Variants in CTIF observed in about 807,000 individuals in gnomAD.
CTIF encodes cap binding complex dependent translation initiation factor.
Under a neutral mutation model 66.0 loss-of-function variants are expected in CTIF, and 21 were observed. The ratio of observed to expected loss-of-function variants is 0.32; its 90% CI spans 0.23 to 0.46. The LOEUF is 0.46. CTIF is among the 20% of genes least tolerant of loss of function. CTIF has a pLI of 1.00. For missense variants in CTIF, 739 were observed against 812.7 expected (o/e 0.91, Z 1.10); for synonymous variants, 345 against 326.4 (o/e 1.06, Z -0.62).
At chr18:48,637,562 C>CTCATGTTCAGCTTCAGTCCACTTAA (rs900569275) in intron 3 of CTIF, among the ~76,000 whole-genome samples, 1 of 152,196 alleles carries the variant, frequency 6.6e-6, no homozygotes, top group African/African-American at 2.4e-5. Flanking sequence ...GGCCTGCTTG[C>CTCATGTTCAGCTTCAGTCCACTTAA]TCATGTTCAG....
intron 3 of CTIF, among the ~76,000 whole-genome samples, chr18:48,651,500 C>A (rs969750726): frequency 6.6e-6 from 1 of 151,734 alleles, no homozygotes; most frequent in Non-Finnish European, 1.5e-5. Context: ...CACTTAGACT[C>A]CCACACAATA....
chr18:48,700,083 A>C (rs1778071964), intron 6 of CTIF, among the ~76,000 whole-genome samples: 1 of 152,182 alleles, frequency 6.6e-6, no homozygotes, highest in African/African-American at 2.4e-5. Flanking sequence ...GAATTATAAT[A>C]ATTGCCACGT....
At chr18:48,669,881 G>A (rs1364273289) in intron 5 of CTIF, among the ~76,000 whole-genome samples, 1 of 138,030 alleles carries the variant, frequency 7.2e-6, no homozygotes, top group African/African-American at 2.7e-5. Context: ...ACCGTTTACT[G>A]TGGGCTGTCA....
intron 9 of CTIF, among the ~76,000 whole-genome samples, chr18:48,804,590 G>C (rs866086447): frequency 1.2e-4 from 19 of 152,324 alleles, no homozygotes; most frequent in Middle Eastern, 3.4e-3. Context: ...CAGCTACCAG[G>C]TCTCTCTGCC....
chr18:48,761,695 T>A lies in CTIF; in HGVS notation c.1371+6T>A. 6.2e-7 allele frequency: 1 copy of A among 1,602,354 alleles called. No individual in the cohort carries two copies. Among genetic ancestry groups the A allele is most frequent in the Non-Finnish European group, 8.5e-7 (1 of 1,171,168 alleles). On this transcript the variant is annotated splice_donor_region_variant and intron_variant, in intron 9 of 11. Transcript: ENST00000256413. This position sits in a 1 kb window ranked among gnomAD's most constrained non-coding sequence, Gnocchi z 4.2. Reference sequence around the variant, plus strand: ...TGCTCCTCAACATGCTGCAGGTAACTGGACGCCGGCCACCACCGCCCCGCG... The same window carrying A: ...TGCTCCTCAACATGCTGCAGGTAACAGGACGCCGGCCACCACCGCCCCGCG...
intron 1 of CTIF, among the ~76,000 whole-genome samples, chr18:48,616,410 T>G (rs1027052965): frequency 1.3e-5 from 2 of 152,182 alleles, no homozygotes; most frequent in Non-Finnish European, 2.9e-5. Flanking sequence ...CTTGAAGAAT[T>G]CACTGCTCAC....
At chr18:48,546,410 C>T in intron 1 of CTIF, among the ~76,000 whole-genome samples, 1 of 152,112 alleles carries the variant, frequency 6.6e-6, no homozygotes, top group South Asian at 2.1e-4. Flanking sequence ...TAAGCACGTC[C>T]AAAAGGGGCA....
rs2069451111 is a variant in CTIF, at chr18:48,860,878, C to G, written c.*1319C>G. The G allele has an allele frequency of 6.6e-6, 1 of 152,290 alleles. No homozygotes were observed. The highest frequency in any genetic ancestry group is 2.4e-5 in the African/African-American group (1 of 41,468). The allele number at this position is 152,290 out of a possible 1,614,324, so 9.4% of individuals were successfully genotyped here. On this transcript the variant is annotated 3_prime_UTR_variant, in exon 12 of 12. Transcript: ENST00000256413. ...CGGGGTTTCTTGGCAGGCCCTGGTC[C>G]TGGGGAGCAGGCCCTGTTGTTGGCT...
At chr18:48,787,415 T>C (rs1289564952) in intron 9 of CTIF, among the ~76,000 whole-genome samples, 3 of 151,902 alleles carry the variant, frequency 2.0e-5, no homozygotes, top group African/African-American at 7.3e-5. Context: ...GAGAGGAGAC[T>C]CACATCTCAG....
chr18:48,823,674 A>T (rs1204921864), intron 10 of CTIF, among the ~76,000 whole-genome samples: 1 of 152,208 alleles, frequency 6.6e-6, no homozygotes, highest in Non-Finnish European at 1.5e-5. Flanking sequence ...AGTGAATCTT[A>T]GAATTGTTTT....
At chr18:48,685,793 C>T (rs2091831164) in intron 6 of CTIF, among the ~76,000 whole-genome samples, 1 of 152,060 alleles carries the variant, frequency 6.6e-6, no homozygotes, top group South Asian at 2.1e-4. Context: ...TCTCCTGCCT[C>T]AGCCTCCCAA....
chr18:48,733,636 A>T (rs981707943), intron 7 of CTIF, among the ~76,000 whole-genome samples: 2 of 152,238 alleles, frequency 1.3e-5, no homozygotes, highest in African/African-American at 4.8e-5. Flanking sequence ...GAGCTGGCAC[A>T]TCCACCACAG....
intron 7 of CTIF, among the ~76,000 whole-genome samples, chr18:48,731,904 G>A (rs1469672270): frequency 1.3e-5 from 2 of 152,232 alleles, no homozygotes; most frequent in African/African-American, 4.8e-5. Context: ...CCTCAGCTCT[G>A]CCATTGTAGC....
At chr18:48,747,030 C>A (rs959887581) in intron 7 of CTIF, among the ~76,000 whole-genome samples, 1 of 152,060 alleles carries the variant, frequency 6.6e-6, no homozygotes, top group Non-Finnish European at 1.5e-5. Context: ...ATTTTAAGAT[C>A]CCCAAGGGCG....
At chr18:48,685,292 G>A (rs1452552283) in intron 6 of CTIF, among the ~76,000 whole-genome samples, 5 of 151,690 alleles carry the variant, frequency 3.3e-5, no homozygotes, top group African/African-American at 4.8e-5. Context: ...GTGCGACCTC[G>A]GCTCACTGCA....
At chr18:48,637,602 G>A (rs113273852) in intron 3 of CTIF, among the ~76,000 whole-genome samples, 3 of 152,096 alleles carry the variant, frequency 2.0e-5, no homozygotes, top group South Asian at 2.1e-4. Context: ...GTTCAGCTTC[G>A]GTCTCCTGGC....
intron 10 of CTIF, among the ~76,000 whole-genome samples, chr18:48,855,393 A>C (rs775318408): frequency 6.6e-6 from 1 of 152,248 alleles, no homozygotes; most frequent in Non-Finnish European, 1.5e-5. Flanking sequence ...ATTTCTGTAC[A>C]TGAAATGTGC....
intron 7 of CTIF, among the ~76,000 whole-genome samples, chr18:48,736,048 C>T (rs1017838300): frequency 2.0e-5 from 3 of 152,098 alleles, no homozygotes; most frequent in Non-Finnish European, 4.4e-5. Flanking sequence ...TCCATAGAAG[C>T]GACTGTTCCT....
chr18:48,618,836 A>T (rs1386589342), intron 1 of CTIF, among the ~76,000 whole-genome samples: 1 of 152,232 alleles, frequency 6.6e-6, no homozygotes, highest in Non-Finnish European at 1.5e-5. Context: ...GCCCCTGTAA[A>T]GGTGACCAGG....
Sources: gnomAD v4.1 joint callset for allele counts (sites outside exome capture counted in the v4.1 genomes callset) on GRCh38, gnomAD v4.1.1 for gene constraint, Gnocchi (gnomAD v3.1) non-coding constraint, MANE v1.5 for transcripts, NCBI Gene and HGNC (gene_info 2026-07-23, HGNC 2026-07-21) for gene names.